Variants in ATP11A observed in about 807,000 individuals in gnomAD.
ATP11A encodes the protein phospholipid-transporting ATPase IH.
ATP11A carries 81 observed loss-of-function variants against 154.4 expected under a neutral mutation model. The ratio of observed to expected loss-of-function variants is 0.52; its 90% CI spans 0.44 to 0.63. ATP11A has a LOEUF of 0.63. Ranked by LOEUF, ATP11A falls within the 30% of genes least tolerant of loss-of-function variation. The pLI, the probability that ATP11A is intolerant of heterozygous loss-of-function variation, is 0.00. For missense variants in ATP11A, 1,316 were observed against 1,474.3 expected (o/e 0.89, Z 1.76); for synonymous variants, 623 against 585.9 (o/e 1.06, Z -0.91).
In ATP11A at chr13:112,880,127, C is replaced by T. The variant is rs556046663; in HGVS notation, c.*10-1749C>T. On this transcript the variant is annotated intron_variant, in intron 29 of 29. Transcript: ENST00000375645. The stretch of plus-strand genomic sequence containing the variant: ...ATCTCAGTGGAGTTCTGTGAGCACG[C>T]TGGACTCAGGAAAGTCCGTCGCAGG... Among the ~76,000 whole-genome samples the T allele has an allele frequency of 2.8e-4, 42 of 152,352 alleles. 2 individuals are homozygous for T. The South Asian group carries it at 6.0e-3, about 22-fold the overall frequency.
intron 1 of ATP11A, among the ~76,000 whole-genome samples, chr13:112,778,072 A>T (rs537248159): frequency 3.0e-4 from 45 of 152,250 alleles, no homozygotes; most frequent in Non-Finnish European, 5.7e-4. Context: ...CTTCTTCTAC[A>T]GTCTTCCGTG....
chr13:112,843,966 ACCAG>A (rs1234974664), intron 17 of ATP11A, among the ~76,000 whole-genome samples: 2 of 152,152 alleles, frequency 1.3e-5, no homozygotes, highest in Non-Finnish European at 2.9e-5. Flanking sequence ...ACTGACTTCC[ACCAG>A]CCACAGAGCT....
chr13:112,747,610 C>T (rs929029406), intron 1 of ATP11A, among the ~76,000 whole-genome samples: 7 of 152,164 alleles, frequency 4.6e-5, no homozygotes, highest in South Asian at 2.1e-4. Flanking sequence ...CCAAGGCCGG[C>T]GGATCACTTG....
chr13:112,840,293 C>T (rs1211580752), intron 16 of ATP11A, among the ~76,000 whole-genome samples: 1 of 118,568 alleles, frequency 8.4e-6, no homozygotes, highest in African/African-American at 3.3e-5. Flanking sequence ...CCCACTCTCC[C>T]GTGCCCTCCA....
chr13:112,883,461 G>T lies in ATP11A; in HGVS notation c.*1595G>T. On this transcript the variant is annotated 3_prime_UTR_variant, in exon 30 of 30. Coordinates refer to ENST00000375645, the MANE Select transcript of ATP11A (RefSeq NM_015205.3). ...CGCCCCGCGCCACGCTGTGGAACGG[G>T]GCTCCGGCAAGTGAAACCCAGAGGG... The T allele has an allele frequency of 2.8e-6, 1 of 358,886 alleles. No individual in the cohort carries two copies. The highest frequency in any genetic ancestry group is 5.0e-6 in the Non-Finnish European group (1 of 201,440). The allele number at this position is 358,886 out of a possible 1,614,324, so 22.2% of individuals were successfully genotyped here.
Position 112,831,445 on chromosome 13 carries a change from T to A in ATP11A, c.1292T>A (p.Ile431Asn), listed in dbSNP as rs1350093229. 2 of 1,614,012 alleles carry A rather than the reference T, an allele frequency of 1.2e-6. No individual in the cohort carries two copies. Among genetic ancestry groups the A allele is most frequent in the Non-Finnish European group, 1.7e-6 (2 of 1,180,032 alleles). ...ENNMEFKECC[I>N]EGHVYVPHVI... is the part of the protein sequence containing the mutation. Reference sequence around the variant, plus strand: ...AACATGGAGTTCAAGGAGTGCTGCATCGAAGGCCATGTCTACGTGCCCCAC... The same window carrying A: ...AACATGGAGTTCAAGGAGTGCTGCAACGAAGGCCATGTCTACGTGCCCCAC... The change falls in exon 13 of 30, where the codon ATC (isoleucine) becomes AAC (asparagine). Residue 431 changes from isoleucine to asparagine, a missense_variant. Around this residue, in one of 5 missense-constraint regions of ATP11A, gnomAD observed 876 missense variants for 1,006.8 expected, o/e 0.87. Transcript: ENST00000375645.
intron 6 of ATP11A, among the ~76,000 whole-genome samples, chr13:112,817,966 T>G (rs2078688556): frequency 1.3e-5 from 2 of 152,230 alleles, no homozygotes; most frequent in Admixed American, 1.3e-4. Flanking sequence ...TCTGGACTCT[T>G]CACATTTGTG....
intron 2 of ATP11A, among the ~76,000 whole-genome samples, chr13:112,787,397 G>C (rs1315667442): frequency 7.5e-6 from 1 of 133,578 alleles, no homozygotes; most frequent in Non-Finnish European, 1.5e-5. Context: ...ATCCACACCA[G>C]TGTCCTAATG....
intron 4 of ATP11A, among the ~76,000 whole-genome samples, chr13:112,809,926 G>A (rs2078441338): frequency 1.3e-5 from 2 of 152,234 alleles, no homozygotes; most frequent in Admixed American, 6.5e-5. Context: ...AAGGCATCCA[G>A]GTCCGTCAGC....
Position 112,878,284 on chromosome 13 carries a change from T to C in ATP11A, c.3395T>C (p.Leu1132Pro), listed in dbSNP as rs755138540. 1.9e-6 allele frequency: 3 copies of C among 1,614,002 alleles called. No homozygotes were observed. The East Asian group carries it at 6.7e-5, about 36-fold the overall frequency. Residue 1132 changes from leucine to proline, a missense_variant, in exon 29 of 30, where the codon CTG becomes CCG. Transcript: ENST00000375645. Reference protein sequence around the residue: ...IFMLSQTSSSLSF With the variant: ...IFMLSQTSSSPSF ...ATGCTTTCTCAGACTTCCAGCAGCC[T>C]GAGTTTCTGATGGAACAAGGTGATG...
rs984876099 is a variant in ATP11A at position 112,881,016 on chromosome 13, G to A, written c.*10-860G>A. 1.3e-4 allele frequency: 133 copies of A among 990,062 alleles called. 1 individual carries two copies. The highest frequency in any genetic ancestry group is 1.6e-4 in the Non-Finnish European group (133 of 832,808). 61.3% of individuals were successfully genotyped at this position (990,062 alleles called of 1,614,324 possible). A position where few individuals can be genotyped will look rare whatever the true frequency, so the allele number is the denominator to read the frequency against. On this transcript the variant is annotated intron_variant, in intron 29 of 29. Coordinates refer to ENST00000375645, the MANE Select transcript of ATP11A (RefSeq NM_015205.3). ...TTGAAATCAAACGTGGTTATTGCAT[G>A]GTTTGTGTGGAACTGGGGCCCAGGC...
intron 1 of ATP11A, among the ~76,000 whole-genome samples, chr13:112,736,010 G>A (rs1028196516): frequency 1.3e-5 from 2 of 152,158 alleles, no homozygotes; most frequent in Admixed American, 6.5e-5. Context: ...CGCATGCTCA[G>A]AGCAGGTGCA....
intron 2 of ATP11A, among the ~76,000 whole-genome samples, chr13:112,791,412 G>T (rs1389072610): frequency 6.6e-6 from 1 of 152,258 alleles, no homozygotes; most frequent in Non-Finnish European, 1.5e-5. Flanking sequence ...CACATGCCTG[G>T]TTCTCCCTGC....
At chr13:112,783,858 T>C (rs1022519965) in intron 1 of ATP11A, among the ~76,000 whole-genome samples, 6 of 152,240 alleles carry the variant, frequency 3.9e-5, no homozygotes, top group African/African-American at 1.2e-4. Context: ...TTGTCAGAGC[T>C]GTTTCCTTAA....
At chr13:112,778,672 GCCA>G (rs1277638153) in intron 1 of ATP11A, among the ~76,000 whole-genome samples, 235 of 79,358 alleles carry the variant, frequency 3.0e-3, no homozygotes, top group African/African-American at 0.013. Flanking sequence ...GTGAGGAGTA[GCCA>G]CTGGAGTGAG....
chr13:112,769,316 G>A (rs1445983009), intron 1 of ATP11A, among the ~76,000 whole-genome samples: 28 of 152,214 alleles, frequency 1.8e-4, no homozygotes, highest in Admixed American at 1.8e-3. Context: ...AGGCTCAGAG[G>A]CACAGCAGGT....
Position 112,836,204 on chromosome 13 carries a change from T to C in ATP11A, c.1658T>C (p.Phe553Ser). 6.2e-7 allele frequency: 1 copy of C among 1,613,072 alleles called. No homozygotes were observed. Residue 553 changes from phenylalanine to serine, a missense_variant, in exon 16 of 30, where the codon TTT becomes TCT. By Grantham distance (155) the Phe-to-Ser change is radical. Transcript: ENST00000375645. ...TTTGAATTGCTGGAAATTTTGAGTT[T>C]TGACTCAGTCAGAAGGAGAATGAGT... ...ERFELLEILS[F>S]DSVRRRMSVI...
chr13:112,834,635 T>C lies in ATP11A; in HGVS notation c.1606T>C (p.Leu536=), dbSNP rs1214749168. 5.0e-6 allele frequency: 8 copies of C among 1,614,006 alleles called. No homozygotes were observed. Among genetic ancestry groups the C allele is most frequent in the Admixed American group, 3.3e-5 (2 of 60,032 alleles). Residue 536 remains leucine (L), a synonymous_variant, in exon 15 of 30, where the codon TTA becomes CTA. Transcript: ENST00000375645. Reference sequence around the variant, plus strand: ...GCTGAAGGACAATTACATGGAGATATTAAACAGGGAGAACCACATCGAAAG... The same window carrying C: ...GCTGAAGGACAATTACATGGAGATACTAAACAGGGAGAACCACATCGAAAG... ...LRLKDNYMEI[L]NRENHIERFE...
rs889805251 is a variant in ATP11A at position 112,859,084 on chromosome 13, G to A, written c.2668-309G>A. ...CTTTCAGGTGGAAATGTTTGAGGAA[G>A]GATTCCTTATTCACTGTGCAGTTCG... On this transcript the variant is annotated intron_variant, in intron 22 of 29. Transcript: ENST00000375645. This position sits in a 1 kb window ranked among gnomAD's most constrained non-coding sequence, Gnocchi z 4.3. The A allele has an allele frequency of 6.4e-6, 2 of 314,074 alleles. No homozygotes were observed. Among genetic ancestry groups the A allele is most frequent in the Non-Finnish European group, 1.2e-5 (2 of 164,686 alleles). The allele number at this position is 314,074 out of a possible 1,614,324, so 19.5% of individuals were successfully genotyped here.
Sources: allele counts gnomAD v4.1 joint callset (sites outside exome capture counted in the v4.1 genomes callset), GRCh38; gene constraint gnomAD v4.1.1; regional missense constraint gnomAD v4.1.1; non-coding constraint Gnocchi (gnomAD v3.1); transcripts MANE v1.5; gene names NCBI Gene and HGNC (gene_info 2026-07-23, HGNC 2026-07-21).